Variants in BBIP1 observed in about 807,000 individuals in gnomAD.
The protein encoded by BBIP1 is BBSome-interacting protein 1.
In BBIP1, 6 loss-of-function variants were observed where a neutral mutation model predicts 8.9. The observed-to-expected ratio is 0.67, with a 90% confidence interval of 0.37 to 1.33. The LOEUF (loss-of-function observed/expected upper bound fraction) is 1.33. Ranked by LOEUF, BBIP1 falls within the 40% of genes most tolerant of loss-of-function variation. The pLI is 0.02. For synonymous variants in BBIP1, 32 were observed against 33.4 expected (o/e 0.96, Z 0.14); for missense variants, 111 against 109.2 (o/e 1.02, Z -0.07).
chr10:110,916,304 CTTTCACT>C (rs1846399957), intron 2 of BBIP1, among the ~76,000 whole-genome samples: 1 of 152,096 alleles, frequency 6.6e-6, no homozygotes, highest in African/African-American at 2.4e-5. Flanking sequence ...CAGTTTTTTC[CTTTCACT>C]TATCTTTCAT....
intron 2 of BBIP1, chr10:110,907,566 C>T (rs35793075): frequency 0.11 from 51,671 of 456,952 alleles, 3,128 homozygotes; most frequent in Non-Finnish European, 0.13. Context: ...AAAGAGGAGA[C>T]AGGAAATGAG....
intron 2 of BBIP1, chr10:110,906,769 A>C (rs778007406): frequency 1.3e-5 from 2 of 152,290 alleles, no homozygotes; most frequent in African/African-American, 2.4e-5. Flanking sequence ...CATGTTGGCC[A>C]GGCTGGTCTC....
chr10:110,914,314 A>G (rs1336768802), intron 2 of BBIP1, among the ~76,000 whole-genome samples: 1 of 151,950 alleles, frequency 6.6e-6, no homozygotes, highest in Non-Finnish European at 1.5e-5. Context: ...AGTAAATTCA[A>G]CCTGCCTAGT....
chr10:110,901,683 G>GGAAGTCAGAAGTAAATCCAAT, intron 2 of BBIP1, 71 bp from the exon 3 acceptor site: 1 of 1,206,858 alleles, frequency 8.3e-7, no homozygotes, highest in Non-Finnish European at 1.2e-6. Flanking sequence ...TTCCATTGTA[G>GGAAGTCAGAAGTAAATCCAAT]TTTAAGAAGT....
intron 2 of BBIP1, chr10:110,907,454 A>T: frequency 3.0e-6 from 1 of 334,294 alleles, no homozygotes; most frequent in Non-Finnish European, 5.4e-6. Context: ...TTTAGGTTGC[A>T]GTGAGATATG....
intron 2 of BBIP1, chr10:110,911,147 T>C (rs1407531740): frequency 6.6e-6 from 1 of 152,178 alleles, no homozygotes; most frequent in East Asian, 1.9e-4. Flanking sequence ...TCAATGAATG[T>C]CAGCAATTCT....
chr10:110,918,638 G>A (rs1203851564), intron 1 of BBIP1, among the ~76,000 whole-genome samples: 1 of 152,238 alleles, frequency 6.6e-6, no homozygotes, highest in African/African-American at 2.4e-5. Context: ...CCTCCCGGCC[G>A]GGCTGCCTCT....
chr10:110,918,886 C>T (rs903442146), intron 1 of BBIP1: 22 of 152,488 alleles, frequency 1.4e-4, no homozygotes, highest in African/African-American at 5.3e-4. Flanking sequence ...TTCCCTGGGG[C>T]ACGGGCGGCC....
At chr10:110,902,203 T>C (rs1004272005) in intron 2 of BBIP1, 3 of 153,152 alleles carry the variant, frequency 2.0e-5, no homozygotes, top group Non-Finnish European at 2.9e-5. Flanking sequence ...AGAACAGAAA[T>C]AGAGTTTCAG....
intron 1 of BBIP1, chr10:110,918,699 CG>C (rs1393222165): frequency 6.6e-6 from 1 of 152,372 alleles, no homozygotes. Flanking sequence ...GGGAGCCTCA[CG>C]GGGGCGGGCC....
intron 2 of BBIP1, among the ~76,000 whole-genome samples, chr10:110,913,944 G>C (rs754478444): frequency 6.6e-6 from 1 of 152,138 alleles, no homozygotes; most frequent in Non-Finnish European, 1.5e-5. Context: ...CCAAATTTTA[G>C]CTCCACTTGA....
chr10:110,907,613 C>A, intron 2 of BBIP1: 1 of 523,394 alleles, frequency 1.9e-6, no homozygotes, highest in Non-Finnish European at 3.4e-6. Flanking sequence ...TCCATTTTCT[C>A]AGGGAATGCA....
intron 2 of BBIP1, chr10:110,903,865 T>C (rs577493926): frequency 6.6e-6 from 1 of 152,234 alleles, no homozygotes; most frequent in Non-Finnish European, 1.5e-5. Flanking sequence ...ACAATGGTAT[T>C]TGTGTATCTT....
intron 2 of BBIP1, among the ~76,000 whole-genome samples, chr10:110,913,265 A>C (rs1846320554): frequency 6.6e-6 from 1 of 152,232 alleles, no homozygotes; most frequent in African/African-American, 2.4e-5. Flanking sequence ...GTAAGGGTCA[A>C]GTGATAAGTG....
In BBIP1 at chr10:110,900,544, TAAG is replaced by T. The variant is rs1564689394; in HGVS notation, c.113-21_113-19del. Reference sequence around the variant, plus strand: ...CAGTGGCCCTAAGTTTAACAAGAAATAAGAATTAATTCAAGAAAGATAACCCAG... The same window carrying T: ...CAGTGGCCCTAAGTTTAACAAGAAATAATTAATTCAAGAAAGATAACCCAG... On this transcript the variant is annotated intron_variant, in intron 3 of 3. Transcript: ENST00000448814. 1 of 1,503,460 alleles carries T rather than the reference TAAG, an allele frequency of 6.7e-7. No homozygotes were observed. The highest frequency in any genetic ancestry group is 1.3e-5 in the South Asian group (1 of 78,946). The allele number at this position is 1,503,460 out of a possible 1,614,324, so 93.1% of individuals were successfully genotyped here. A position where few individuals can be genotyped will look rare whatever the true frequency, so the allele number is the denominator to read the frequency against.
intron 2 of BBIP1, among the ~76,000 whole-genome samples, chr10:110,910,023 T>C (rs752091682): frequency 6.6e-6 from 1 of 152,152 alleles, no homozygotes; most frequent in African/African-American, 2.4e-5. Context: ...TAATTATAAT[T>C]GAATACAATG....
Position 110,900,248 on chromosome 10 carries a change from A to G in BBIP1, c.*112T>C, listed in dbSNP as rs1845955752. The G allele has an allele frequency of 2.1e-6, 2 of 975,216 alleles. No homozygotes were observed. The highest frequency in any genetic ancestry group is 2.9e-6 in the Non-Finnish European group (2 of 696,610). 60.4% of individuals were successfully genotyped at this position (975,216 alleles called of 1,614,324 possible). A position where few individuals can be genotyped will look rare whatever the true frequency, so the allele number is the denominator to read the frequency against. ...TGGATATTTTTGTATTTCTATGAATACTATCAATTTTATTGATAACACATA... is the reference window on the plus strand; with the variant it reads ...TGGATATTTTTGTATTTCTATGAATGCTATCAATTTTATTGATAACACATA... On this transcript the variant is annotated 3_prime_UTR_variant, in exon 4 of 4. Coordinates refer to ENST00000448814, the MANE Select transcript of BBIP1 (RefSeq NM_001195305.3).
At chr10:110,913,823 T>C (rs1846331879) in intron 2 of BBIP1, among the ~76,000 whole-genome samples, 1 of 152,252 alleles carries the variant, frequency 6.6e-6, no homozygotes, top group South Asian at 2.1e-4. Flanking sequence ...GAAACATACA[T>C]GTCATAAACT....
chr10:110,914,687 G>A (rs1255244142), intron 2 of BBIP1, among the ~76,000 whole-genome samples: 3 of 152,082 alleles, frequency 2.0e-5, no homozygotes, highest in African/African-American at 4.8e-5. Context: ...ATGTTGCAAC[G>A]TGTTCAATTT....
Sources: gnomAD v4.1 joint callset for allele counts (sites outside exome capture counted in the v4.1 genomes callset) on GRCh38, gnomAD v4.1.1 for gene constraint, MANE v1.5 for transcripts, NCBI Gene and HGNC (gene_info 2026-07-23, HGNC 2026-07-21) for gene names.